The following PDE10A variants were observed in gnomAD, a reference collection of about 807,000 sequenced individuals.
PDE10A encodes cAMP and cAMP-inhibited cGMP 3',5'-cyclic phosphodiesterase 10A.
Under a neutral mutation model 97.7 loss-of-function variants are expected in PDE10A, and 39 were observed. The observed-to-expected ratio is 0.40, with a 90% CI of 0.31 to 0.52. The LOEUF (loss-of-function observed/expected upper bound fraction) is 0.52. PDE10A is among the 20% of genes least tolerant of loss of function. The pLI, the probability that PDE10A is intolerant of heterozygous loss-of-function variation, is 0.56. For synonymous variants in PDE10A, 371 were observed against 376.8 expected (o/e 0.98, Z 0.18); for missense variants, 731 against 1,047.8 (o/e 0.70, Z 4.17).
chr6:165,621,680 T>A (rs1348507147), intron 1 of PDE10A, among the ~76,000 whole-genome samples: 1 of 151,514 alleles, frequency 6.6e-6, no homozygotes, highest in Non-Finnish European at 1.5e-5. Context: ...CGCTTGAACC[T>A]GGGAGGCAGA....
chr6:165,644,212 C>G (rs773858441), intron 1 of PDE10A, among the ~76,000 whole-genome samples: 1 of 143,750 alleles, frequency 7.0e-6, no homozygotes, highest in Non-Finnish European at 1.6e-5. Flanking sequence ...CCCGCCACCA[C>G]GCCCCGCTAA....
chr6:165,677,507 C>A (rs552580571), intron 1 of PDE10A, among the ~76,000 whole-genome samples: 1 of 152,354 alleles, frequency 6.6e-6, no homozygotes, highest in East Asian at 1.9e-4. Flanking sequence ...GCACTGAACA[C>A]CTCAAGACCT....
intron 1 of PDE10A, among the ~76,000 whole-genome samples, chr6:165,602,882 A>G (rs1222475929): frequency 1.3e-5 from 2 of 152,056 alleles, no homozygotes; most frequent in East Asian, 3.9e-4. Context: ...ACAACATTTC[A>G]TCCCATTCTG....
At chr6:165,779,331 A>G (rs1778284145) in intron 1 of PDE10A, among the ~76,000 whole-genome samples, 1 of 152,232 alleles carries the variant, frequency 6.6e-6, no homozygotes, top group African/African-American at 2.4e-5. Flanking sequence ...ATGGAAAATC[A>G]TTGTGTAGTG....
intron 1 of PDE10A, among the ~76,000 whole-genome samples, chr6:165,943,346 G>GAAAAGAAAGAAAGAAAGAAAGAA (rs369730730): frequency 2.5e-5 from 2 of 79,488 alleles, no homozygotes; most frequent in African/African-American, 5.5e-5. Flanking sequence ...AGAAAGAAAA[G>GAAAAGAAAGAAAGAAAGAAAGAA]AGAAAGAAAG....
chr6:165,654,308 G>C (rs535556098), intron 1 of PDE10A, among the ~76,000 whole-genome samples: 1 of 152,098 alleles, frequency 6.6e-6, no homozygotes, highest in East Asian at 1.9e-4. Context: ...TCTCAGCAAG[G>C]CTGGGCCATC....
chr6:165,877,488 C>A (rs1781372368), intron 1 of PDE10A, among the ~76,000 whole-genome samples: 1 of 152,206 alleles, frequency 6.6e-6, no homozygotes, highest in African/African-American at 2.4e-5. Flanking sequence ...TCCCGAAATT[C>A]TCTTCTCGCT....
intron 1 of PDE10A, among the ~76,000 whole-genome samples, chr6:165,763,504 GT>G (rs1180674276): frequency 6.6e-6 from 1 of 152,114 alleles, no homozygotes; most frequent in Non-Finnish European, 1.5e-5. Context: ...TGTATTTTTA[GT>G]GGAGACACAG....
intron 1 of PDE10A, among the ~76,000 whole-genome samples, chr6:165,847,306 A>G (rs1378402302): frequency 6.6e-6 from 1 of 152,218 alleles, no homozygotes; most frequent in East Asian, 1.9e-4. Flanking sequence ...GACATTCTGC[A>G]AGCTGACGGT....
chr6:165,941,639 C>A (rs1411567142), intron 1 of PDE10A, among the ~76,000 whole-genome samples: 2 of 152,232 alleles, frequency 1.3e-5, no homozygotes, highest in Middle Eastern at 3.2e-3. Flanking sequence ...CTCCCCCACT[C>A]TCCCTTGCTC....
chr6:165,632,707 A>G (rs1229097234), intron 1 of PDE10A, among the ~76,000 whole-genome samples: 16 of 152,194 alleles, frequency 1.1e-4, no homozygotes, highest in Admixed American at 1.0e-3. Context: ...TGAGGGGTGA[A>G]GCGGCCGTGG....
chr6:165,808,960 G>C (rs551569172), intron 1 of PDE10A, among the ~76,000 whole-genome samples: 1 of 152,198 alleles, frequency 6.6e-6, no homozygotes, highest in East Asian at 1.9e-4. Flanking sequence ...TATAATCAGA[G>C]CATTCTACAT....
intron 1 of PDE10A, among the ~76,000 whole-genome samples, chr6:165,950,506 C>G (rs1030962322): frequency 6.6e-6 from 1 of 152,152 alleles, no homozygotes; most frequent in East Asian, 1.9e-4. Context: ...GGACACCGGG[C>G]GGGAGCTCCA....
At chr6:165,381,380 G>A (rs1784912205) in intron 17 of PDE10A, among the ~76,000 whole-genome samples, 1 of 152,168 alleles carries the variant, frequency 6.6e-6, no homozygotes, top group Non-Finnish European at 1.5e-5. Flanking sequence ...AAGCTCCATA[G>A]AGGGCTTTTA....
At chr6:165,716,069 C>T (rs1393934769) in intron 1 of PDE10A, among the ~76,000 whole-genome samples, 4 of 152,138 alleles carry the variant, frequency 2.6e-5, no homozygotes, top group South Asian at 2.1e-4. Context: ...AGAGAAAGAC[C>T]GCCTCAGAGT....
At chr6:165,680,643 TCTGTAATCCCAGCA>T (rs1224029030) in intron 1 of PDE10A, among the ~76,000 whole-genome samples, 1 of 152,122 alleles carries the variant, frequency 6.6e-6, no homozygotes, top group East Asian at 1.9e-4. Context: ...GGGGCTCAGG[TCTGTAATCCCAGCA>T]CTTTGGGAGG....
intron 17 of PDE10A, among the ~76,000 whole-genome samples, chr6:165,384,518 G>A (rs73031806): frequency 0.033 from 4,986 of 152,102 alleles, 113 homozygotes; most frequent in Middle Eastern, 0.058. Context: ...CACTCAACAC[G>A]GGATTATCTA....
At chr6:165,928,203 G>T (rs1783005910) in intron 1 of PDE10A, among the ~76,000 whole-genome samples, 1 of 152,042 alleles carries the variant, frequency 6.6e-6, no homozygotes, top group Non-Finnish European at 1.5e-5. Context: ...GGAAAACATG[G>T]GTCCTGCATG....
chr6:165,543,892 A>G (rs1476450494), intron 1 of PDE10A, among the ~76,000 whole-genome samples: 3 of 147,586 alleles, frequency 2.0e-5, no homozygotes, highest in East Asian at 2.0e-4. Context: ...GTGTGTGTGT[A>G]TGACCACAAT....
Sources: allele counts gnomAD v4.1 joint callset (sites outside exome capture counted in the v4.1 genomes callset), GRCh38; gene constraint gnomAD v4.1.1; transcripts MANE v1.5; gene names NCBI Gene and HGNC (gene_info 2026-07-23, HGNC 2026-07-21).